The following TRDN variants were observed in gnomAD, a reference collection of about 807,000 sequenced individuals.
TRDN encodes the protein triadin.
TRDN carries 161 observed loss-of-function variants against 149.7 expected under a neutral mutation model. That is an observed-to-expected ratio of 1.08 (90% confidence interval 0.95 to 1.23). The LOEUF is 1.23. TRDN is among the 50% of genes most tolerant of loss of function. The probability of loss-of-function intolerance (pLI) is 0.00; values close to 1 mark genes in which losing one functional copy is unlikely to be tolerated. For synonymous variants in TRDN, 294 were observed against 250.5 expected, an observed-to-expected ratio of 1.17 and a Z score of -1.64; for missense variants, 896 against 823.5, an observed-to-expected ratio of 1.09 and a Z score of -1.08.
At chr6:123,484,944 C>T (rs1470984038) in intron 9 of TRDN, among the ~76,000 whole-genome samples, 2 of 152,170 alleles carry the variant, frequency 1.3e-5, no homozygotes, top group Admixed American at 6.5e-5. Context: ...AGAGTGGTAA[C>T]AGCTTCAGAG....
chr6:123,462,781 C>T (rs1232221495), intron 10 of TRDN: 1 of 152,002 alleles, frequency 6.6e-6, no homozygotes, highest in Non-Finnish European at 1.5e-5. Flanking sequence ...CATAATCAGC[C>T]TCACTAAAAA....
rs761965169 is a variant in TRDN at position 123,420,393 on chromosome 6, A to T, written c.1051+17670T>A. Among the ~76,000 whole-genome samples the T allele has an allele frequency of 0.016, 519 of 32,832 alleles. 3 individuals are homozygous for T. The East Asian group carries it at 0.23, about 15-fold the overall frequency. The allele number at this position is 32,832 out of a possible 152,430, so 21.5% of individuals were successfully genotyped here. On this transcript the variant is annotated intron_variant, in intron 12 of 40. Coordinates refer to ENST00000334268, the MANE Select transcript of TRDN (RefSeq NM_006073.4). Reference sequence around the variant, plus strand: ...TGGCAGAGATGCAAGGATTTTTTTAAAAAAAAAACAGCAAAACTGTCTATT... The same window carrying T: ...TGGCAGAGATGCAAGGATTTTTTTATAAAAAAAACAGCAAAACTGTCTATT...
At chr6:123,483,604 T>C (rs1777860684) in intron 9 of TRDN, among the ~76,000 whole-genome samples, 1 of 152,158 alleles carries the variant, frequency 6.6e-6, no homozygotes, top group Non-Finnish European at 1.5e-5. Context: ...GCCCTCTCTC[T>C]GGAATTTTGT....
intron 21 of TRDN, among the ~76,000 whole-genome samples, chr6:123,346,666 A>G (rs1780256994): frequency 6.6e-6 from 1 of 152,022 alleles, no homozygotes; most frequent in African/African-American, 2.4e-5. Flanking sequence ...CTTGAAAATG[A>G]TATTATAAAA....
At chr6:123,395,157 T>G (rs752404983) in intron 12 of TRDN, among the ~76,000 whole-genome samples, 1 of 152,192 alleles carries the variant, frequency 6.6e-6, no homozygotes, top group Non-Finnish European at 1.5e-5. Context: ...GTAAAGTACC[T>G]TAGAATTTGT....
chr6:123,603,996 T>A (rs1784400988), intron 1 of TRDN, among the ~76,000 whole-genome samples: 1 of 152,088 alleles, frequency 6.6e-6, no homozygotes, highest in Non-Finnish European at 1.5e-5. Flanking sequence ...TCAAAAGGAA[T>A]AACATTATAC....
At chr6:123,253,152 A>G (rs1304921643) in intron 37 of TRDN, among the ~76,000 whole-genome samples, 3 of 152,036 alleles carry the variant, frequency 2.0e-5, no homozygotes, top group African/African-American at 4.8e-5. Flanking sequence ...TTCTAATGAG[A>G]GGTTATTATT....
intron 2 of TRDN, among the ~76,000 whole-genome samples, chr6:123,568,474 G>T (rs550517180): frequency 6.6e-6 from 1 of 152,302 alleles, no homozygotes; most frequent in South Asian, 2.1e-4. Context: ...GAGGTTCTCT[G>T]TTTGGGCTCT....
intron 20 of TRDN, among the ~76,000 whole-genome samples, chr6:123,358,088 G>A (rs1240745276): frequency 2.6e-5 from 4 of 152,096 alleles, no homozygotes; most frequent in Admixed American, 6.6e-5. Flanking sequence ...AAAGAAGACC[G>A]TCATCAGTTT....
intron 9 of TRDN, among the ~76,000 whole-genome samples, chr6:123,478,930 A>G (rs989621157): frequency 6.6e-6 from 1 of 152,148 alleles, no homozygotes; most frequent in African/African-American, 2.4e-5. Flanking sequence ...TTTATTTACA[A>G]GTTTGTTTGT....
In TRDN at chr6:123,317,369, T is replaced by A. The variant is rs574091810; in HGVS notation, c.1472-874A>T. 4.6e-5 allele frequency among the ~76,000 whole-genome samples: 7 copies of A among 152,044 alleles called. No homozygotes were observed. The East Asian group carries it at 1.2e-3, about 25-fold the overall frequency. On this transcript the variant is annotated intron_variant, in intron 23 of 40. Transcript: ENST00000334268. ...TGGAATACCTACTGAGCATAAACTATGTATAAGGGATAATGCTACCAGCTT... is the reference window on the plus strand; with the variant it reads ...TGGAATACCTACTGAGCATAAACTAAGTATAAGGGATAATGCTACCAGCTT...
chr6:123,425,232 GGTGTGTGTGTGTGT>G (rs60065532), intron 12 of TRDN, among the ~76,000 whole-genome samples: 67 of 138,830 alleles, frequency 4.8e-4, no homozygotes, highest in South Asian at 9.7e-4. Context: ...CAGAGGTAGA[GGTGTGTGTGTGTGT>G]GTGTGTGTGT....
intron 12 of TRDN, among the ~76,000 whole-genome samples, chr6:123,402,627 A>G (rs1258564810): frequency 6.6e-6 from 1 of 152,206 alleles, no homozygotes; most frequent in Non-Finnish European, 1.5e-5. Context: ...TTTGGGCAGG[A>G]AAGTTACACG....
chr6:123,316,379 T>A, intron 24 of TRDN, 78 bp downstream of exon 24: 1 of 1,364,548 alleles, frequency 7.3e-7, no homozygotes, highest in South Asian at 1.2e-5. Context: ...CCAGCCAGGA[T>A]TGTAAAACTG....
At chr6:123,478,529 GAGATGGTGA>G (rs1777602060) in intron 9 of TRDN, among the ~76,000 whole-genome samples, 1 of 152,176 alleles carries the variant, frequency 6.6e-6, no homozygotes, top group African/African-American at 2.4e-5. Context: ...AGGAAAATGG[GAGATGGTGA>G]AGACAGAAGA....
In TRDN at chr6:123,255,128, G is replaced by A. The variant is rs1472755385; in HGVS notation, c.1907-3C>T. 7.8e-7 allele frequency: 1 copy of A among 1,282,582 alleles called. No homozygotes were observed. The allele number at this position is 1,282,582 out of a possible 1,614,324, so 79.5% of individuals were successfully genotyped here. The stretch of plus-strand genomic sequence containing the variant: ...AAGACTTTCTTTTCTTGTTGAGACT[G>A]TTAATAAGGAAAATGTAAATTAAAA... On this transcript the variant is annotated splice_polypyrimidine_tract_variant and splice_region_variant and intron_variant, in intron 36 of 40. Transcript: ENST00000334268.
At chr6:123,505,116 T>G (rs1778860146) in intron 7 of TRDN, among the ~76,000 whole-genome samples, 1 of 151,752 alleles carries the variant, frequency 6.6e-6, no homozygotes, top group Non-Finnish European at 1.5e-5. Flanking sequence ...TGGTGGTGCA[T>G]GCCTGTAATC....
chr6:123,333,988 G>A (rs62418960), intron 22 of TRDN, among the ~76,000 whole-genome samples: 1,801 of 152,078 alleles, frequency 0.012, 21 homozygotes, highest in Non-Finnish European at 0.017. Context: ...AATTCCCTAA[G>A]GGATAGGAAA....
rs191011610 is a variant in TRDN at position 123,562,707 on chromosome 6, T to C, written c.232+8216A>G. On this transcript the variant is annotated intron_variant, in intron 2 of 40. Transcript: ENST00000334268. The stretch of plus-strand genomic sequence containing the variant: ...TAGGATGCAAAACTCCTGAAGTACA[T>C]TGGATTCTAAAAGATAAAATCCATT... Among the ~76,000 whole-genome samples, 16 of 152,344 alleles carry C rather than the reference T, an allele frequency of 1.1e-4. No individual in the cohort carries two copies. The East Asian group carries it at 2.9e-3, about 28-fold the overall frequency.
Sources: gnomAD v4.1 joint callset for allele counts (sites outside exome capture counted in the v4.1 genomes callset) on GRCh38, gnomAD v4.1.1 for gene constraint, MANE v1.5 for transcripts, NCBI Gene and HGNC (gene_info 2026-07-23, HGNC 2026-07-21) for gene names.